The following EIF3M variants were observed in gnomAD, a reference collection of about 807,000 sequenced individuals.
EIF3M encodes eukaryotic translation initiation factor 3 subunit M.
A neutral mutation model predicts 49.7 loss-of-function variants in EIF3M; 25 were observed. That is an observed-to-expected ratio of 0.50 (90% CI 0.37 to 0.70). The LOEUF (loss-of-function observed/expected upper bound fraction) is 0.70, where lower values mean the gene tolerates loss of function less well. EIF3M is among the 30% of genes least tolerant of loss of function. The pLI is 0.00. For synonymous variants in EIF3M, 156 were observed against 149.8 expected (o/e 1.04, Z -0.30); for missense variants, 350 against 440.0 (o/e 0.80, Z 1.83).
chr11:32,602,095 G>A, intron 10 of EIF3M, 184 bp from the exon 11 acceptor site: 2 of 1,016,522 alleles, frequency 2.0e-6, no homozygotes, highest in Non-Finnish European at 2.9e-6. Context: ...AGGAGAATTA[G>A]AAGGCTTAGG....
chr11:32,589,117 C>G lies in EIF3M; in HGVS notation c.420C>G (p.Ile140Met), dbSNP rs1260018067. The change falls in exon 4 of 11, where the codon ATC becomes ATG. Residue 140 changes from isoleucine to methionine, a missense_variant. Ile to Met is a conservative substitution (Grantham distance 10). Transcript: ENST00000531120. ...VAASCGAIQY[I>M]PTELDQVRKW... ...CATCTTGTGGGGCCATCCAGTACAT[C>G]CCAACTGAGCTGGATCAAGTGAGTT... The G allele has an allele frequency of 1.2e-6, 2 of 1,614,080 alleles. No individual in the cohort carries two copies. Among genetic ancestry groups the G allele is most frequent in the East Asian group, 4.5e-5 (2 of 44,902 alleles).
At chr11:32,587,182 A>G (rs1426082937) in intron 2 of EIF3M, 38 bp downstream of exon 2, 2 of 1,526,680 alleles carry the variant, frequency 1.3e-6, no homozygotes, top group South Asian at 2.6e-5. Context: ...TCCTAATAAA[A>G]TCTTTTAAAT....
At chr11:32,584,984 C>G (rs114950242) in intron 1 of EIF3M, among the ~76,000 whole-genome samples, 8,754 of 152,208 alleles carry the variant, frequency 0.058, 305 homozygotes, top group African/African-American at 0.097. Context: ...TTCTGTTACT[C>G]CACTAACACG....
At chr11:32,590,821 T>C (rs1184530599) in intron 5 of EIF3M, among the ~76,000 whole-genome samples, 1 of 152,092 alleles carries the variant, frequency 6.6e-6, no homozygotes, top group African/African-American at 2.4e-5. Context: ...TTTATTTATA[T>C]TGGTGGTTGA....
chr11:32,600,655 A>T, intron 8 of EIF3M, 34 bp from the exon 9 acceptor site: 1 of 1,564,410 alleles, frequency 6.4e-7, no homozygotes, highest in South Asian at 1.2e-5. Flanking sequence ...AATTAGTATG[A>T]ACACTCATCA....
At chr11:32,588,339 A>T (rs941889412) in intron 2 of EIF3M, among the ~76,000 whole-genome samples, 1 of 146,216 alleles carries the variant, frequency 6.8e-6, no homozygotes, top group Admixed American at 6.9e-5. Context: ...CAGTGAGCCG[A>T]GATCGCACCA....
chr11:32,588,554 T>TGTA, intron 2 of EIF3M, 40 bp from the exon 3 acceptor site: 1 of 1,603,238 alleles, frequency 6.2e-7, no homozygotes, highest in Non-Finnish European at 8.5e-7. Context: ...CATTGAGTAT[T>TGTA]GTAGTATCAC....
Position 32,602,684 on chromosome 11 carries a change from A to G in EIF3M, c.*285A>G. ...AGAAGTAGAGTAATACAATTTCTTC[A>G]CATTAGAAAAACTTGGAAAAGCAAA... On this transcript the variant is annotated 3_prime_UTR_variant, in exon 11 of 11. Coordinates refer to ENST00000531120, the MANE Select transcript of EIF3M (RefSeq NM_006360.6). 2 of 849,786 alleles carry G rather than the reference A, an allele frequency of 2.4e-6. No homozygotes were observed. The highest frequency in any genetic ancestry group is 3.9e-5 in the South Asian group (2 of 51,936). 52.6% of individuals were successfully genotyped at this position (849,786 alleles called of 1,614,324 possible). A position where few individuals can be genotyped will look rare whatever the true frequency, so the allele number is the denominator to read the frequency against.
At position 32,596,943 on chromosome 11, in the gene EIF3M, C is replaced by G. The variant is rs551913192; in HGVS notation, c.799+896C>G. Among the ~76,000 whole-genome samples, 69 of 152,148 alleles carry G rather than the reference C, an allele frequency of 4.5e-4. 1 individual carries two copies. In the South Asian group the frequency reaches 0.014, roughly 31 times the overall value. On this transcript the variant is annotated intron_variant, in intron 8 of 10. Coordinates refer to ENST00000531120, the MANE Select transcript of EIF3M (RefSeq NM_006360.6). ...AAAAGAGAGAGAAAATGACTTGGAA[C>G]CTTTTTGTCTCATTTAAGAGCTTGC...
At chr11:32,589,734 T>C in intron 5 of EIF3M, 93 bp downstream of exon 5, 1 of 1,064,406 alleles carries the variant, frequency 9.4e-7, no homozygotes, top group Non-Finnish European at 1.4e-6. Flanking sequence ...GTAATTTTGC[T>C]TTACTCTGTT....
chr11:32,596,108 T>C, intron 8 of EIF3M, 61 bp downstream of exon 8: 1 of 1,262,302 alleles, frequency 7.9e-7, no homozygotes, highest in Non-Finnish European at 1.1e-6. Flanking sequence ...CTAACAGTTA[T>C]GTACTATGTG....
chr11:32,592,339 C>G (rs1446186910), intron 5 of EIF3M: 15 of 551,588 alleles, frequency 2.7e-5, no homozygotes, highest in Non-Finnish European at 5.2e-5. Context: ...AGCAAATCCT[C>G]TCTTTTTTCC....
In EIF3M at chr11:32,589,096, T is replaced by C; in HGVS notation, c.399T>C (p.Ser133=). Residue 133 remains serine, a synonymous_variant, in exon 4 of 11, where the codon TCT becomes TCC. Transcript: ENST00000531120. ...VYCSLIKVAA[S]CGAIQYIPTE... is the part of the protein sequence containing the mutation. Reference sequence around the variant, plus strand: ...GCAGCCTTATTAAAGTGGCAGCATCTTGTGGGGCCATCCAGTACATCCCAA... The same window carrying C: ...GCAGCCTTATTAAAGTGGCAGCATCCTGTGGGGCCATCCAGTACATCCCAA... 2 of 1,614,232 alleles carry C rather than the reference T, an allele frequency of 1.2e-6. No individual in the cohort carries two copies. Among genetic ancestry groups the C allele is most frequent in the Non-Finnish European group, 1.7e-6 (2 of 1,180,030 alleles).
chr11:32,595,348 C>A (rs1314875834), intron 7 of EIF3M, among the ~76,000 whole-genome samples: 3 of 152,094 alleles, frequency 2.0e-5, no homozygotes, highest in Non-Finnish European at 4.4e-5. Flanking sequence ...GCCTCAGCTT[C>A]CAGGAGAAGT....
intron 9 of EIF3M, chr11:32,601,519 AAAAACAGC>A: frequency 3.5e-6 from 1 of 283,622 alleles, no homozygotes; most frequent in Admixed American, 4.9e-5. Flanking sequence ...AAAAAAAAAA[AAAAACAGC>A]AAAAAACTGT....
chr11:32,603,661 T>C lies in EIF3M; in HGVS notation c.*1262T>C, dbSNP rs1194950922. On this transcript the variant is annotated 3_prime_UTR_variant, in exon 11 of 11. Transcript: ENST00000531120. ...TACTCCCTTTTATGGATGTTTGATA[T>C]ATCTCCTACTACTGAATGTTTGTTT... 2.0e-5 allele frequency: 3 copies of C among 152,236 alleles called. No individual in the cohort carries two copies. The highest frequency in any genetic ancestry group is 4.4e-5 in the Non-Finnish European group (3 of 68,054). 9.4% of individuals were successfully genotyped at this position (152,236 alleles called of 1,614,324 possible).
chr11:32,600,391 T>A (rs1344192864), intron 8 of EIF3M, among the ~76,000 whole-genome samples: 4 of 151,932 alleles, frequency 2.6e-5, no homozygotes, highest in Admixed American at 1.3e-4. Context: ...TATAACTATT[T>A]AAAAATGTAA....
intron 5 of EIF3M, 131 bp from the exon 6 acceptor site, chr11:32,593,735 C>T (rs898716781): frequency 1.4e-5 from 7 of 507,988 alleles, no homozygotes; most frequent in African/African-American, 6.0e-5. Flanking sequence ...TGACTTTTCC[C>T]ATAGACAGGG....
chr11:32,589,725 T>G (rs918554533), intron 5 of EIF3M, 84 bp downstream of exon 5: 1 of 1,219,604 alleles, frequency 8.2e-7, no homozygotes, highest in Non-Finnish European at 1.2e-6. Flanking sequence ...GTAGGGCCAG[T>G]AATTTTGCTT....
Sources: allele counts gnomAD v4.1 joint callset (sites outside exome capture counted in the v4.1 genomes callset), GRCh38; gene constraint gnomAD v4.1.1; transcripts MANE v1.5; gene names NCBI Gene and HGNC (gene_info 2026-07-23, HGNC 2026-07-21).